PLEC: variants seen among roughly 807,000 people sequenced by gnomAD.
PLEC encodes the protein hemidesmosomal protein 1.
PLEC carries 216 observed loss-of-function variants against 392.8 expected under a neutral mutation model. The ratio of observed to expected loss-of-function variants is 0.55; its 90% CI spans 0.49 to 0.62. PLEC has a LOEUF of 0.62. Ranked by LOEUF, PLEC falls within the 20% of genes least tolerant of loss-of-function variation. The pLI is 0.00. For missense variants in PLEC, 6,863 were observed against 6,563.4 expected (o/e 1.05, Z -1.58); for synonymous variants, 3,621 against 2,980.6 (o/e 1.21, Z -7.00).
At chr8:143,938,308 C>A in intron 2 of PLEC, 68 bp from the exon 3 acceptor site, 4 of 1,537,384 alleles carry the variant, frequency 2.6e-6, no homozygotes, top group Non-Finnish European at 3.5e-6. Context: ...AGTGGCTGAT[C>A]TACAGAGTGG....
chr8:143,943,985 G>T (rs749040345), upstream of PLEC: 3 of 1,534,692 alleles, frequency 2.0e-6, no homozygotes, highest in Non-Finnish European at 2.6e-6. Flanking sequence ...GGGCGAGCGA[G>T]GGGGAGCGCC....
chr8:143,944,081 C>G (rs991034652), upstream of PLEC: 6 of 764,694 alleles, frequency 7.8e-6, no homozygotes, highest in Non-Finnish European at 1.0e-5. Context: ...TCTCCTCCTC[C>G]CTCCGCGGGT....
chr8:143,958,998 C>T lies in PLEC; in HGVS notation c.70+14405G>A, dbSNP rs1356518659. ...ATATTGATCTAGAAAATCTCGACAG[C>T]TCATTTGATAAAAACCAGTATTTAT... On this transcript the variant is annotated intron_variant, in intron 1 of 31. Coordinates refer to the PLEC transcript ENST00000356346. This position sits in a 1 kb window ranked among gnomAD's most constrained non-coding sequence, Gnocchi z 4.9. 6.6e-6 allele frequency among the ~76,000 whole-genome samples: 1 copy of T among 152,240 alleles called. No individual in the cohort carries two copies. The highest frequency in any genetic ancestry group is 1.5e-5 in the Non-Finnish European group (1 of 68,052).
upstream of PLEC, among the ~76,000 whole-genome samples, chr8:143,939,878 C>T (rs191577032): frequency 1.2e-3 from 189 of 152,326 alleles, 2 homozygotes; most frequent in African/African-American, 4.2e-3. Context: ...GAACACAGGC[C>T]GTCCCCACAG....
chr8:143,972,611 A>G (rs1554744655), intron 1 of PLEC, among the ~76,000 whole-genome samples: 1 of 152,126 alleles, frequency 6.6e-6, no homozygotes, highest in Non-Finnish European at 1.5e-5. Context: ...GGGGGCCCCC[A>G]CCGCGACCCT....
upstream of PLEC, among the ~76,000 whole-genome samples, chr8:143,956,641 A>C (rs1832610579): frequency 2.6e-5 from 4 of 152,360 alleles, no homozygotes; most frequent in South Asian, 8.3e-4. Flanking sequence ...GAGAAGGAAC[A>C]CACAGCTTTT....
At position 143,928,549 on chromosome 8, in the gene PLEC, T is replaced by C. The variant is rs7845942; in HGVS notation, c.3260+554A>G. 2.9e-4 allele frequency among the ~76,000 whole-genome samples: 22 copies of C among 76,802 alleles called. 2 individuals are homozygous for C. Among genetic ancestry groups the C allele is most frequent in the Admixed American group, 3.5e-4 (3 of 8,594 alleles). 50.4% of individuals were successfully genotyped at this position (76,802 alleles called of 152,430 possible). On this transcript the variant is annotated intron_variant, in intron 25 of 31. Coordinates refer to ENST00000345136, the MANE Select transcript of PLEC (RefSeq NM_201384.3). ...CTGTGGTTTGCAACACAGGAAGAGG[T>C]GGCGGCCCTATCACTGTGCTGGTTC...
rs1233326996 is a variant in PLEC, at chr8:143,927,863, G to C, written c.3390C>G (p.Ala1130=). 1 of 1,589,954 alleles carries C rather than the reference G, an allele frequency of 6.3e-7. No homozygotes were observed. Among genetic ancestry groups the C allele is most frequent in the Non-Finnish European group, 8.6e-7 (1 of 1,168,858 alleles). The change falls in exon 26 of 32, where the codon GCC becomes GCG. Residue 1130 remains alanine (A), a synonymous_variant. Coordinates refer to ENST00000345136, the MANE Select transcript of PLEC (RefSeq NM_201384.3). Reference sequence around the variant, plus strand: ...AGCCTCGAAACGATACCTTCAGAGAGGCCTTGGTGGCCTCGAGCTCCGGGA... The same window carrying C: ...AGCCTCGAAACGATACCTTCAGAGACGCCTTGGTGGCCTCGAGCTCCGGGA... The part of the protein sequence containing the change: ...ATLPELEATK[A]SLKKLRAQAE...
Position 143,927,777 on chromosome 8 carries a change from C to G in PLEC, c.3400-11G>C. 6.3e-7 allele frequency: 1 copy of G among 1,599,438 alleles called. No homozygotes were observed. On this transcript the variant is annotated splice_polypyrimidine_tract_variant and intron_variant, in intron 26 of 31. Transcript: ENST00000345136. Reference sequence around the variant, plus strand: ...CTGGGCCCGCAGCTTCTGTTGGGGACAGGAGGGACATGTGCGGCTTCAGCT... The same window carrying G: ...CTGGGCCCGCAGCTTCTGTTGGGGAGAGGAGGGACATGTGCGGCTTCAGCT...
rs1010451200 is a variant in PLEC, at chr8:143,964,415, T to C, written c.70+8988A>G. The stretch of plus-strand genomic sequence containing the variant: ...CCAATGCCAAGTGTCTTACAAGAGA[T>C]GGAAGAGAAGCCACAGGGGAGAGGG... On this transcript the variant is annotated intron_variant, in intron 1 of 31. Coordinates refer to the PLEC transcript ENST00000356346. Among the ~76,000 whole-genome samples the C allele has an allele frequency of 4.6e-5, 7 of 151,464 alleles. No individual in the cohort carries two copies. In the East Asian group the frequency reaches 1.3e-3, roughly 29 times the overall value.
upstream of PLEC, among the ~76,000 whole-genome samples, chr8:143,952,656 AAACT>A (rs1351674035): frequency 3.3e-5 from 5 of 150,530 alleles, no homozygotes; most frequent in East Asian, 1.0e-3. Context: ...GGGCCCCACC[AAACT>A]AACCCACGAT....
upstream of PLEC, among the ~76,000 whole-genome samples, chr8:143,957,980 G>T (rs1224416937): frequency 1.3e-5 from 2 of 152,180 alleles, no homozygotes; most frequent in Non-Finnish European, 2.9e-5. Flanking sequence ...GCCCCAGGGA[G>T]ACCAGGCCCA....
intron 1 of PLEC, among the ~76,000 whole-genome samples, chr8:143,965,126 C>T (rs923389625): frequency 1.3e-5 from 2 of 152,020 alleles, no homozygotes; most frequent in Non-Finnish European, 2.9e-5. Context: ...ACCCTGATGC[C>T]GTCCTGGGGC....
In PLEC at chr8:143,925,821, C is replaced by T. The variant is rs781971005; in HGVS notation, c.4108G>A (p.Glu1370Lys). Reference protein sequence around the residue: ...ERLAEVEAALEKQRQLAEAHA... With the variant: ...ERLAEVEAALKKQRQLAEAHA... ...GCCTCGGCCAGCTGCCGCTGCTTCT[C>T]CAGCGCGGCCTCCACCTCGGCCAGC... The change falls in exon 31 of 32, where the codon GAG (glutamate) becomes AAG (lysine). Residue 1370 changes from glutamate to lysine, a missense_variant. Coordinates refer to ENST00000345136, the MANE Select transcript of PLEC (RefSeq NM_201384.3). 1 of 1,561,760 alleles carries T rather than the reference C, an allele frequency of 6.4e-7. No homozygotes were observed. Among genetic ancestry groups the T allele is most frequent in the African/African-American group, 1.3e-5 (1 of 74,114 alleles).
At chr8:143,943,837 G>A (rs1564194545), upstream of PLEC, 5 of 1,612,354 alleles carry the variant, frequency 3.1e-6, no homozygotes, top group Non-Finnish European at 3.4e-6. Flanking sequence ...CGGCCAGGGT[G>A]ACAACGTGAC....
rs782047869 is a variant in PLEC at position 143,922,254 on chromosome 8, C to T, written c.7567G>A (p.Glu2523Lys). The change falls in exon 32 of 32, where the codon GAG (glutamate) becomes AAG (lysine). Residue 2523 changes from glutamate (E) to lysine (K), a missense_variant. By Grantham distance (56) the Glu-to-Lys change is moderately conservative. Transcript: ENST00000345136. ...CGCAGCTGCTGTGCCTTGGCCACCT[C>T]GTCCTGGAAGAGCTGCTCCAGCTTG... is the stretch of plus-strand genomic sequence containing the variant. ...KAKLEQLFQD[E>K]VAKAQQLREE... 20 of 1,596,314 alleles carry T rather than the reference C, an allele frequency of 1.3e-5. No homozygotes were observed. The highest frequency in any genetic ancestry group is 1.5e-5 in the Non-Finnish European group (18 of 1,174,218).
At chr8:143,975,267 T>C (rs2133006581), upstream of PLEC, 1 of 1,609,292 alleles carries the variant, frequency 6.2e-7, no homozygotes, top group South Asian at 1.1e-5. This position sits in a 1 kb window ranked among gnomAD's most constrained non-coding sequence, Gnocchi z 9.9. Context: ...CGCTGCGTTT[T>C]CCCAAGGTTC....
In PLEC at chr8:143,930,467, C is replaced by G. The variant is rs782238465; in HGVS notation, c.2374G>C (p.Val792Leu). 5 of 1,588,646 alleles carry G rather than the reference C, an allele frequency of 3.1e-6. No individual in the cohort carries two copies. Among genetic ancestry groups the G allele is most frequent in the Non-Finnish European group, 4.3e-6 (5 of 1,168,114 alleles). ...SGLAKRAKAV[V>L]QLKPRHPAHP... ...GCTGGGTGGCGGGGCTTCAGCTGCA[C>G]GACGGCCTTGGCCCGCTTGGCCAGG... Residue 792 changes from valine to leucine, a missense_variant, in exon 20 of 32, where the codon GTG (valine) becomes CTG (leucine). Transcript: ENST00000345136.
rs782818883 is a variant in PLEC at position 143,934,750 on chromosome 8, C to T, written c.946-20G>A. On this transcript the variant is annotated intron_variant, in intron 9 of 31. Transcript: ENST00000345136. ...CAGGATCTGCCAGGGACGAGGCTGT[C>T]GGCAACCACGCCGGGCTCTCAGGGC... 16 of 1,612,116 alleles carry T rather than the reference C, an allele frequency of 9.9e-6. No individual in the cohort carries two copies. Among genetic ancestry groups the T allele is most frequent in the African/African-American group, 8.0e-5 (6 of 75,046 alleles).
Sources: gnomAD v4.1 joint callset for allele counts (sites outside exome capture counted in the v4.1 genomes callset) on GRCh38, gnomAD v4.1.1 for gene constraint, Gnocchi (gnomAD v3.1) non-coding constraint, MANE v1.5 for transcripts, NCBI Gene and HGNC (gene_info 2026-07-23, HGNC 2026-07-21) for gene names.